Variants in KRT33A observed in about 807,000 individuals in gnomAD.
KRT33A encodes keratin 33A.
Under a neutral mutation model 41.1 loss-of-function variants are expected in KRT33A, and 44 were observed. The observed-to-expected ratio is 1.07, with a 90% CI of 0.84 to 1.38. KRT33A has a LOEUF of 1.38. Ranked by LOEUF, KRT33A falls within the 40% of genes most tolerant of loss-of-function variation. KRT33A has a pLI of 0.00. For synonymous variants in KRT33A, 229 were observed against 227.8 expected, an observed-to-expected ratio of 1.01 and a Z score of -0.05; for missense variants, 536 against 518.5, an observed-to-expected ratio of 1.03 and a Z score of -0.33.
In KRT33A at chr17:41,346,157, G is replaced by T; in HGVS notation, c.1177C>A (p.Arg393Ser). Residue 393 changes from arginine (R) to serine (S), a missense_variant, in exon 7 of 7, where the codon CGT becomes AGT. By Grantham distance (110) the Arg-to-Ser change is moderately radical. Transcript: ENST00000007735. ...GPCISNPCGL[R>S]ARCGPCNTFG... ...GTGTTGCAAGGCCCACACCGAGCAC[G>T]TAGGCCACAGGGATTAGAGATACAG... is the stretch of plus-strand genomic sequence containing the variant. 2 of 1,614,116 alleles carry T rather than the reference G, an allele frequency of 1.2e-6. No homozygotes were observed. The highest frequency in any genetic ancestry group is 1.7e-6 in the Non-Finnish European group (2 of 1,179,980).
At position 41,350,580 on chromosome 17, in the gene KRT33A, A is replaced by G; in HGVS notation, c.188T>C (p.Leu63Pro). The G allele has an allele frequency of 6.2e-7, 1 of 1,613,808 alleles. No homozygotes were observed. The highest frequency in any genetic ancestry group is 8.5e-7 in the Non-Finnish European group (1 of 1,180,042). The change falls in exon 1 of 7, where the codon CTG becomes CCG. Residue 63 changes from leucine (L) to proline (P), a missense_variant. Transcript: ENST00000007735. Reference sequence around the variant, plus strand: ...CAGGTAGCTGGCCAGGCGGTCGTTCAGGAACTGCATGGTCTCCTTCTCACT... The same window carrying G: ...CAGGTAGCTGGCCAGGCGGTCGTTCGGGAACTGCATGGTCTCCTTCTCACT... The part of the protein sequence containing the change: ...NGSEKETMQF[L>P]NDRLASYLEK...
At chr17:41,346,347 A>G in intron 6 of KRT33A, 101 bp downstream of exon 6, 1 of 1,589,916 alleles carries the variant, frequency 6.3e-7, no homozygotes, top group Non-Finnish European at 8.6e-7. Flanking sequence ...CTTCCTCCAA[A>G]CAAAAGCTTG....
At chr17:41,348,784 T>C (rs2017461617) in intron 2 of KRT33A, 145 bp from the exon 3 acceptor site, 1 of 807,846 alleles carries the variant, frequency 1.2e-6, no homozygotes, top group Admixed American at 2.8e-5. Flanking sequence ...AGCATCGAGC[T>C]GGAAGAAAAT....
rs779732909 is a variant in KRT33A, at chr17:41,346,202, A to T, written c.1132T>A (p.Cys378Ser). ...ATACAGGGCCCAGTGGACTTGTCACATGCATTGGTTGTGGCGCAGGGGTTG... is the reference window on the plus strand; with the variant it reads ...ATACAGGGCCCAGTGGACTTGTCACTTGCATTGGTTGTGGCGCAGGGGTTG... ...PSNPCATTNA[C>S]DKSTGPCISN... Residue 378 changes from cysteine (C) to serine (S), a missense_variant, in exon 7 of 7, where the codon TGT (cysteine) becomes AGT (serine). Transcript: ENST00000007735. 3 of 1,614,184 alleles carry T rather than the reference A, an allele frequency of 1.9e-6. No individual in the cohort carries two copies. The highest frequency in any genetic ancestry group is 2.5e-6 in the Non-Finnish European group (3 of 1,180,024).
At chr17:41,347,407 A>G (rs6503623) in intron 3 of KRT33A, among the ~76,000 whole-genome samples, 185 bp from the exon 4 acceptor site, 9,668 of 152,280 alleles carry the variant, frequency 0.063, 355 homozygotes, top group Non-Finnish European at 0.081. Flanking sequence ...AACTACTTTC[A>G]AGCCCATGAC....
Position 41,349,377 on chromosome 17 carries a change from C to T in KRT33A, c.400G>A (p.Ala134Thr), listed in dbSNP as rs535817573. The T allele has an allele frequency of 6.2e-7, 1 of 1,614,064 alleles. No individual in the cohort carries two copies. Among genetic ancestry groups the T allele is most frequent in the East Asian group, 2.2e-5 (1 of 44,860 alleles). ...CTGAAGTCATCTGAGGCCAGCTTGGCATTGTCGATCTGCACCACAAGCCTG... is the reference window on the plus strand; with the variant it reads ...CTGAAGTCATCTGAGGCCAGCTTGGTATTGTCGATCTGCACCACAAGCCTG... ...NARLVVQIDN[A>T]KLASDDFRTK... Residue 134 changes from alanine to threonine, a missense_variant, in exon 2 of 7, where the codon GCC (alanine) becomes ACC (threonine). Transcript: ENST00000007735.
In KRT33A at chr17:41,348,453, T is replaced by C. The variant is rs751118861; in HGVS notation, c.588+30A>G. 3.1e-6 allele frequency: 5 copies of C among 1,613,094 alleles called. No individual in the cohort carries two copies. The South Asian group carries it at 5.5e-5, about 18-fold the overall frequency. ...CAGTTGTGAAACAGGTCCTGGCTAG[T>C]CTGAGCCCATCACTCTTCAGGGAAC... On this transcript the variant is annotated intron_variant, in intron 3 of 6. Transcript: ENST00000007735.
At position 41,347,097 on chromosome 17, in the gene KRT33A, G is replaced by A. The variant is rs936642626; in HGVS notation, c.714C>T (p.Thr238=). 2 of 1,614,158 alleles carry A rather than the reference G, an allele frequency of 1.2e-6. No homozygotes were observed. Among genetic ancestry groups the A allele is most frequent in the Non-Finnish European group, 1.7e-6 (2 of 1,180,012 alleles). Reference sequence around the variant, plus strand: ...ACCATTGCTCCACTTCCCTGCGGTTGGTTTCCACCAGGGCCTCATACTGAC... The same window carrying A: ...ACCATTGCTCCACTTCCCTGCGGTTAGTTTCCACCAGGGCCTCATACTGAC... The part of the protein sequence containing the change: ...TRSQYEALVE[T]NRREVEQWFA... Residue 238 remains threonine, a synonymous_variant, in exon 4 of 7, where the codon ACC becomes ACT. Coordinates refer to ENST00000007735, the MANE Select transcript of KRT33A (RefSeq NM_004138.4).
Position 41,349,438 on chromosome 17 carries a change from C to G in KRT33A, c.349-10G>C. On this transcript the variant is annotated splice_polypyrimidine_tract_variant and intron_variant, in intron 1 of 6. Transcript: ENST00000007735. The stretch of plus-strand genomic sequence containing the variant: ...ACTTGCTGCACAGGATCTAGAAGGC[C>G]CAAAACATTCAAGAATGAGCAAGGA... 6.2e-7 allele frequency: 1 copy of G among 1,613,782 alleles called. No homozygotes were observed. Among genetic ancestry groups the G allele is most frequent in the Non-Finnish European group, 8.5e-7 (1 of 1,179,888 alleles).
chr17:41,346,937 G>C lies in KRT33A; in HGVS notation c.783C>G (p.Ser261Arg), dbSNP rs1030075870. Reference protein sequence around the residue: ...TEELNKQVVSSSEQLQSYQAE... With the variant: ...TEELNKQVVSRSEQLQSYQAE... The stretch of plus-strand genomic sequence containing the variant: ...CCTGGTAGGACTGCAGCTGCTCCGA[G>C]CTGGATACCACCTGCTTGTTCAGCT... Residue 261 changes from serine (S) to arginine (R), a missense_variant, in exon 5 of 7, where the codon AGC becomes AGG. Physicochemically the swap from Ser to Arg is moderately radical, Grantham distance 110. Transcript: ENST00000007735. 1 of 1,613,322 alleles carries C rather than the reference G, an allele frequency of 6.2e-7. No individual in the cohort carries two copies. The highest frequency in any genetic ancestry group is 1.3e-5 in the African/African-American group (1 of 74,916).
rs772816782 is a variant in KRT33A at position 41,346,888 on chromosome 17, T to C, written c.832A>G (p.Thr278Ala). The part of the protein sequence containing the change: ...YQAEIIELRR[T>A]VNALEIELQA... ...AGCTCGATCTCCAGGGCATTGACCG[T>C]GCGTCTCAGCTCGATGATCTCCGCC... Residue 278 changes from threonine to alanine, a missense_variant, in exon 5 of 7, where the codon ACG becomes GCG. Coordinates refer to ENST00000007735, the MANE Select transcript of KRT33A (RefSeq NM_004138.4). 2 of 1,612,928 alleles carry C rather than the reference T, an allele frequency of 1.2e-6. No individual in the cohort carries two copies. The highest frequency in any genetic ancestry group is 2.7e-5 in the African/African-American group (2 of 74,902).
intron 1 of KRT33A, 126 bp from the exon 2 acceptor site, chr17:41,349,554 G>A: frequency 4.8e-6 from 4 of 836,312 alleles, no homozygotes; most frequent in Non-Finnish European, 7.5e-6. Context: ...TCTATATACA[G>A]CAGGTACTCA....
chr17:41,346,561 G>A lies in KRT33A; in HGVS notation c.984C>T (p.Ile328=). The A allele has an allele frequency of 6.8e-6, 11 of 1,614,224 alleles. No homozygotes were observed. Among genetic ancestry groups the A allele is most frequent in the Non-Finnish European group, 9.3e-6 (11 of 1,180,048 alleles). Residue 328 remains isoleucine (I), a synonymous_variant, in exon 6 of 7, where the codon ATC becomes ATT. Transcript: ENST00000007735. ...ITNVESQLAE[I]RSDLERQNQE... ...GGTTCTGCCGCTCCAGGTCACTGCG[G>A]ATCTCCGCCAGCTGGGACTCCACGT...
At chr17:41,350,016 G>A (rs1406954178) in intron 1 of KRT33A, among the ~76,000 whole-genome samples, 1 of 152,178 alleles carries the variant, frequency 6.6e-6, no homozygotes, top group Non-Finnish European at 1.5e-5. Flanking sequence ...AGAAGAGAGA[G>A]GCAGCCAGCA....
rs1472204931 is a variant in KRT33A, at chr17:41,348,567, C to T, written c.504G>A (p.Glu168=). 3.7e-6 allele frequency: 6 copies of T among 1,613,926 alleles called. No homozygotes were observed. In the African/African-American group the frequency reaches 8.0e-5, roughly 22 times the overall value. The change falls in exon 3 of 7, where the codon GAG becomes GAA. Residue 168 remains glutamate, a synonymous_variant. Coordinates refer to ENST00000007735, the MANE Select transcript of KRT33A (RefSeq NM_004138.4). The part of the protein sequence containing the change: ...DINGLRRILD[E]LTLCRSDLEA... Reference sequence around the variant, plus strand: ...CCAGGTCAGACCTGCACAGGGTCAGCTCATCCAGGATCCTGCGCAGGCCAT... The same window carrying T: ...CCAGGTCAGACCTGCACAGGGTCAGTTCATCCAGGATCCTGCGCAGGCCAT...
rs1208893543 is a variant in KRT33A, at chr17:41,346,239, G to T, written c.1098-3C>A. ...TGGCGCAGGGGTTGGAGGGGAGCCT[G>T]TGGGCAGAAAATCATTGGAGCAAGT... On this transcript the variant is annotated splice_polypyrimidine_tract_variant and splice_region_variant and intron_variant, in intron 6 of 6. Coordinates refer to ENST00000007735, the MANE Select transcript of KRT33A (RefSeq NM_004138.4). The T allele has an allele frequency of 1.9e-6, 3 of 1,613,402 alleles. No individual in the cohort carries two copies. In the Admixed American group the frequency reaches 5.0e-5, roughly 27 times the overall value.
In KRT33A at chr17:41,350,474, C is replaced by T. The variant is rs774274092; in HGVS notation, c.294G>A (p.Leu98=). The T allele has an allele frequency of 2.5e-6, 4 of 1,614,076 alleles. No individual in the cohort carries two copies. The highest frequency in any genetic ancestry group is 2.2e-5 in the East Asian group (1 of 44,874). Residue 98 remains leucine (L), a synonymous_variant, in exon 1 of 7, where the codon TTG becomes TTA. Transcript: ENST00000007735. ...IRERSQQQEP[L]VCASYQSYFK... is the part of the protein sequence containing the mutation. ...AGTAGGACTGGTAGCTGGCACACAC[C>T]AAGGGCTCCTGCTGCTGTGACCGCT...
At chr17:41,348,339 T>A in intron 3 of KRT33A, 144 bp downstream of exon 3, 1 of 818,310 alleles carries the variant, frequency 1.2e-6, no homozygotes, top group Non-Finnish European at 1.9e-6. Context: ...GTTTTTAGAT[T>A]AGTCATTCTC....
At chr17:41,348,664 C>G in intron 2 of KRT33A, 25 bp from the exon 3 acceptor site, 5 of 1,612,862 alleles carry the variant, frequency 3.1e-6, no homozygotes, top group Non-Finnish European at 4.2e-6. Flanking sequence ...GGGTCAGGAA[C>G]AGGCTGGGCA....
Sources: gnomAD v4.1 joint callset for allele counts (sites outside exome capture counted in the v4.1 genomes callset) on GRCh38, gnomAD v4.1.1 for gene constraint, MANE v1.5 for transcripts, NCBI Gene and HGNC (gene_info 2026-07-23, HGNC 2026-07-21) for gene names.